Variants in GRIP2 observed in about 807,000 individuals in gnomAD.
GRIP2 encodes glutamate receptor interacting protein 2, also known as glutamate receptor-interacting protein 2.
GRIP2 carries 58 observed loss-of-function variants against 108.3 expected under a neutral mutation model. That is an observed-to-expected ratio of 0.54 (90% CI 0.43 to 0.67). The LOEUF (loss-of-function observed/expected upper bound fraction) is 0.67, where lower values mean the gene tolerates loss of function less well. Among genes scored for constraint, GRIP2 ranks in the 30% least tolerant of loss-of-function variants. GRIP2 has a pLI of 0.00. For missense variants in GRIP2, 1,278 were observed against 1,430.6 expected (o/e 0.89, Z 1.72); for synonymous variants, 586 against 598.2 (o/e 0.98, Z 0.30).
At chr3:14,599,677 C>G in the GRIP2 span, among the ~76,000 whole-genome samples, 3 of 103,258 alleles carry the variant, frequency 2.9e-5, no homozygotes, top group African/African-American at 1.2e-4. Context: ...CTCTCTCTCT[C>G]TCTCTCTCTG....
chr3:14,513,549 A>G, intron 13 of GRIP2, 116 bp downstream of exon 13: 2 of 1,316,516 alleles, frequency 1.5e-6, no homozygotes, highest in Non-Finnish European at 2.1e-6. Flanking sequence ...CCCTGGGAGA[A>G]GGGCACTGGG....
chr3:14,544,318 G>A (rs983316537), upstream of GRIP2, among the ~76,000 whole-genome samples: 3 of 152,180 alleles, frequency 2.0e-5, no homozygotes, highest in African/African-American at 7.2e-5. Context: ...CTGCTTGTGC[G>A]GGGCTGCTCT....
At chr3:14,584,826 C>T in the GRIP2 span, among the ~76,000 whole-genome samples, 6 of 152,302 alleles carry the variant, frequency 3.9e-5, no homozygotes, top group Non-Finnish European at 8.8e-5. Flanking sequence ...CACTCCTGCC[C>T]GCAGCCCATA....
Position 14,522,119 on chromosome 3 carries a change from C to G in GRIP2, c.567-332G>C, listed in dbSNP as rs1694429549. 2 of 275,478 alleles carry G rather than the reference C, an allele frequency of 7.3e-6. No individual in the cohort carries two copies. Among genetic ancestry groups the G allele is most frequent in the Non-Finnish European group, 1.3e-5 (2 of 148,214 alleles). 17.1% of individuals were successfully genotyped at this position (275,478 alleles called of 1,614,324 possible). A position where few individuals can be genotyped will look rare whatever the true frequency, so the allele number is the denominator to read the frequency against. ...TGCTCTTCAAGCGTCACCCCCAACT[C>G]CTGCCTCAGGGACAAAGGACAGCAC... On this transcript the variant is annotated intron_variant, in intron 6 of 23. Transcript: ENST00000621039. The surrounding 1 kb of genome is among the most constrained non-coding windows in gnomAD (Gnocchi z 4.3).
At chr3:14,574,815 C>A in the GRIP2 span, 3 of 338,716 alleles carry the variant, frequency 8.9e-6, no homozygotes, top group Non-Finnish European at 1.1e-5. Context: ...GTTTACATAA[C>A]AATGAAAAAG....
intron 1 of GRIP2, among the ~76,000 whole-genome samples, chr3:14,554,413 G>A (rs1247637763): frequency 1.3e-5 from 2 of 152,168 alleles, no homozygotes; most frequent in Admixed American, 6.5e-5. Flanking sequence ...GGGCCCTTAC[G>A]GTCTGTGGAC....
chr3:14,597,376 T>C, the GRIP2 span, among the ~76,000 whole-genome samples: 24 of 152,292 alleles, frequency 1.6e-4, no homozygotes, highest in Admixed American at 2.6e-4. Context: ...AGAAGGCTCA[T>C]GCATGGCATG....
intron 4 of GRIP2, 24 bp from the exon 5 acceptor site, chr3:14,523,722 T>C (rs1694475506): frequency 2.0e-6 from 3 of 1,522,150 alleles, no homozygotes; most frequent in South Asian, 1.2e-5. Flanking sequence ...GAGGACTCCT[T>C]TGAGTCCCTC....
chr3:14,565,011 G>A, the GRIP2 span, among the ~76,000 whole-genome samples: 37 of 152,322 alleles, frequency 2.4e-4, no homozygotes, highest in African/African-American at 8.2e-4. Context: ...CAAGGGGCAC[G>A]GCACAGCCCA....
At chr3:14,537,987 G>C (rs957158158) in intron 1 of GRIP2, among the ~76,000 whole-genome samples, 2 of 152,228 alleles carry the variant, frequency 1.3e-5, no homozygotes, top group Admixed American at 1.3e-4. Flanking sequence ...TGGGCCAATG[G>C]AGATAGGTCA....
At chr3:14,513,519 C>T (rs1694157956) in intron 13 of GRIP2, 146 bp downstream of exon 13, 3 of 1,124,680 alleles carry the variant, frequency 2.7e-6, no homozygotes, top group Non-Finnish European at 3.7e-6. Context: ...GGCTTCCCTT[C>T]CCACTATAAG....
chr3:14,550,735 G>C (rs1695133800), intron 1 of GRIP2, among the ~76,000 whole-genome samples: 1 of 152,226 alleles, frequency 6.6e-6, no homozygotes, highest in South Asian at 2.1e-4. Context: ...TCCCCAGCTT[G>C]AATTCCAAAT....
the GRIP2 span, among the ~76,000 whole-genome samples, chr3:14,600,502 G>T: frequency 6.6e-6 from 1 of 152,198 alleles, no homozygotes; most frequent in East Asian, 1.9e-4. Flanking sequence ...CTTTGTTGAG[G>T]CCTTAAATTA....
At chr3:14,592,057 GA>G in the GRIP2 span, among the ~76,000 whole-genome samples, 4 of 152,242 alleles carry the variant, frequency 2.6e-5, no homozygotes, top group Non-Finnish European at 5.9e-5. Flanking sequence ...TTGAATGGAT[GA>G]CTTTAAGTAA....
chr3:14,535,509 A>T (rs1694813683), intron 1 of GRIP2, among the ~76,000 whole-genome samples: 1 of 152,230 alleles, frequency 6.6e-6, no homozygotes, highest in Non-Finnish European at 1.5e-5. Flanking sequence ...CCTAGTGATT[A>T]AGTGCTGGTT....
At chr3:14,531,637 T>A (rs775897436) in intron 1 of GRIP2, among the ~76,000 whole-genome samples, 2 of 152,148 alleles carry the variant, frequency 1.3e-5, no homozygotes, top group Non-Finnish European at 2.9e-5. Flanking sequence ...ACAGTGGCCT[T>A]GGGAGGAGGT....
chr3:14,571,778 G>A, the GRIP2 span, among the ~76,000 whole-genome samples: 1 of 152,160 alleles, frequency 6.6e-6, no homozygotes, highest in Non-Finnish European at 1.5e-5. Flanking sequence ...CCTGGGCAGG[G>A]TCCCAGGATC....
At position 14,507,806 on chromosome 3, in the gene GRIP2, T is replaced by A. The variant is rs1477087827; in HGVS notation, c.2079-106A>T. The A allele has an allele frequency of 4.5e-6, 6 of 1,343,746 alleles. No homozygotes were observed. The highest frequency in any genetic ancestry group is 6.2e-6 in the Non-Finnish European group (6 of 967,700). The allele number at this position is 1,343,746 out of a possible 1,614,324, so 83.2% of individuals were successfully genotyped here. A position where few individuals can be genotyped will look rare whatever the true frequency, so the allele number is the denominator to read the frequency against. ...GAGAGCCACAAAGCAGAAGTCTGGC[T>A]GACCCCAGTTAAACCCAGCTGCCAA... On this transcript the variant is annotated intron_variant, in intron 17 of 23. Coordinates refer to ENST00000621039, the MANE Select transcript of GRIP2 (RefSeq NM_001080423.4). The surrounding 1 kb of genome is among the most constrained non-coding windows in gnomAD (Gnocchi z 4.6).
chr3:14,568,072 T>C, the GRIP2 span, among the ~76,000 whole-genome samples: 2 of 152,156 alleles, frequency 1.3e-5, no homozygotes, highest in African/African-American at 4.8e-5. Flanking sequence ...AGAAAGGATG[T>C]CAGTGGGGTC....
Sources: gnomAD v4.1 joint callset for allele counts (sites outside exome capture counted in the v4.1 genomes callset) on GRCh38, gnomAD v4.1.1 for gene constraint, Gnocchi (gnomAD v3.1) non-coding constraint, MANE v1.5 for transcripts, NCBI Gene and HGNC (gene_info 2026-07-23, HGNC 2026-07-21) for gene names.